The following GABBR2 variants were observed in gnomAD, a reference collection of about 807,000 sequenced individuals.
GABBR2 encodes the protein gamma-aminobutyric acid type B receptor subunit 2.
Under a neutral mutation model 105.6 loss-of-function variants are expected in GABBR2, and 23 were observed. The observed-to-expected ratio is 0.22, with a 90% CI of 0.16 to 0.31. GABBR2 has a LOEUF of 0.31. Among genes scored for constraint, GABBR2 ranks in the 10% least tolerant of loss-of-function variants. The pLI is 1.00. For missense variants in GABBR2, 734 were observed against 1,245.5 expected (o/e 0.59, Z 6.18); for synonymous variants, 478 against 499.7 (o/e 0.96, Z 0.58).
intron 3 of GABBR2, among the ~76,000 whole-genome samples, chr9:98,499,942 A>T (rs1827367376): frequency 6.6e-6 from 1 of 152,228 alleles, no homozygotes; most frequent in Non-Finnish European, 1.5e-5. Context: ...AATCCCAGCT[A>T]CTTGGGAGGC....
intron 1 of GABBR2, among the ~76,000 whole-genome samples, chr9:98,608,356 A>G (rs111678325): frequency 2.0e-4 from 30 of 152,210 alleles, no homozygotes; most frequent in African/African-American, 7.0e-4. Flanking sequence ...TACTTTTCCT[A>G]CTTTTTCTTT....
chr9:98,685,986 GC>G (rs1830615781), intron 1 of GABBR2, among the ~76,000 whole-genome samples: 1 of 152,132 alleles, frequency 6.6e-6, no homozygotes, highest in African/African-American at 2.4e-5. Context: ...ACTGCACCTA[GC>G]CTTGACTAAA....
intron 13 of GABBR2, among the ~76,000 whole-genome samples, chr9:98,337,304 CG>C (rs1831133990): frequency 6.6e-6 from 1 of 151,404 alleles, no homozygotes; most frequent in Non-Finnish European, 1.5e-5. Flanking sequence ...GACTCCATCT[CG>C]GAAGAAAAAA....
intron 1 of GABBR2, among the ~76,000 whole-genome samples, chr9:98,586,299 T>TG (rs1262716573): frequency 1.4e-5 from 2 of 145,928 alleles, no homozygotes; most frequent in African/African-American, 4.9e-5. Context: ...TTTTTTTTTT[T>TG]TTTGTTTGTT....
rs796843169 is a variant in GABBR2 at position 98,623,011 on chromosome 9, G to C, written c.322-44939C>G. 1.1e-3 allele frequency among the ~76,000 whole-genome samples: 167 copies of C among 152,330 alleles called. 1 individual carries two copies. Among genetic ancestry groups the C allele is most frequent in the African/African-American group, 3.7e-3 (152 of 41,574 alleles). On this transcript the variant is annotated intron_variant, in intron 1 of 18. Transcript: ENST00000259455. ...TGGAACAAATGGACCACTCTGGTGG[G>C]GATGTTGATAATGGGGGAGGCTGTG...
intron 3 of GABBR2, among the ~76,000 whole-genome samples, chr9:98,520,768 C>T (rs1355676690): frequency 6.6e-6 from 1 of 152,178 alleles, no homozygotes; most frequent in Non-Finnish European, 1.5e-5. Flanking sequence ...ATCAATATTG[C>T]TGAAGGCCAG....
At chr9:98,611,885 C>CG (rs149433462) in intron 1 of GABBR2, among the ~76,000 whole-genome samples, 9,458 of 152,322 alleles carry the variant, frequency 0.062, 344 homozygotes, top group Non-Finnish European at 0.083. Flanking sequence ...GGCAATTGAC[C>CG]GAGGAGCCAT....
chr9:98,419,261 G>A (rs1404861150), intron 7 of GABBR2, among the ~76,000 whole-genome samples: 1 of 152,194 alleles, frequency 6.6e-6, no homozygotes, highest in Non-Finnish European at 1.5e-5. Flanking sequence ...CCTGCTGGGA[G>A]GTGGGGCTCC....
At chr9:98,476,553 T>G (rs1056845821) in intron 5 of GABBR2, among the ~76,000 whole-genome samples, 8 of 152,208 alleles carry the variant, frequency 5.3e-5, no homozygotes, top group African/African-American at 1.9e-4. Flanking sequence ...AGATAATTTG[T>G]GTATCATGCA....
rs533090129 is a variant in GABBR2, at chr9:98,371,452, G to A, written c.1770+12C>T. 2.3e-6 allele frequency: 3 copies of A among 1,325,096 alleles called. No individual in the cohort carries two copies. Among genetic ancestry groups the A allele is most frequent in the Non-Finnish European group, 3.3e-6 (3 of 915,818 alleles). 82.1% of individuals were successfully genotyped at this position (1,325,096 alleles called of 1,614,324 possible). A position where few individuals can be genotyped will look rare whatever the true frequency, so the allele number is the denominator to read the frequency against. Reference sequence around the variant, plus strand: ...CACTACTAATACCCTGAAACAGAAGGAGAGTGATTACCTTCTTCTTCATTT... The same window carrying A: ...CACTACTAATACCCTGAAACAGAAGAAGAGTGATTACCTTCTTCTTCATTT... On this transcript the variant is annotated intron_variant, in intron 12 of 18. Coordinates refer to ENST00000259455, the MANE Select transcript of GABBR2 (RefSeq NM_005458.8).
At chr9:98,339,045 C>A (rs1831163684) in intron 13 of GABBR2, among the ~76,000 whole-genome samples, 1 of 152,080 alleles carries the variant, frequency 6.6e-6, no homozygotes, top group Non-Finnish European at 1.5e-5. Context: ...TGTTTGATTC[C>A]ATTGACATGA....
At chr9:98,664,256 G>A (rs1292670878) in intron 1 of GABBR2, among the ~76,000 whole-genome samples, 1 of 152,166 alleles carries the variant, frequency 6.6e-6, no homozygotes, top group Non-Finnish European at 1.5e-5. Context: ...GAAGAGAACG[G>A]CACAAAGACC....
chr9:98,655,382 A>T (rs1228770766), intron 1 of GABBR2, among the ~76,000 whole-genome samples: 1 of 147,872 alleles, frequency 6.8e-6, no homozygotes, highest in East Asian at 1.9e-4. Context: ...AAATTGCTTT[A>T]AAAAAAAAGC....
chr9:98,309,910 A>G (rs1830609934), intron 14 of GABBR2, among the ~76,000 whole-genome samples: 1 of 152,260 alleles, frequency 6.6e-6, no homozygotes, highest in South Asian at 2.1e-4. Context: ...CAAAGGACAC[A>G]GGATCAATCA....
intron 13 of GABBR2, among the ~76,000 whole-genome samples, chr9:98,337,229 C>T (rs761692673): frequency 8.5e-5 from 13 of 152,064 alleles, no homozygotes; most frequent in Non-Finnish European, 1.6e-4. Flanking sequence ...CGCTTGAACC[C>T]GGGAGGCGGA....
chr9:98,353,761 CCCA>C (rs1831440338), intron 13 of GABBR2, among the ~76,000 whole-genome samples: 1 of 151,820 alleles, frequency 6.6e-6, no homozygotes, highest in Non-Finnish European at 1.5e-5. Context: ...CCCGATAATC[CCCA>C]CATGTCAAGG....
At chr9:98,467,730 G>T (rs1379884640) in intron 6 of GABBR2, among the ~76,000 whole-genome samples, 1 of 152,208 alleles carries the variant, frequency 6.6e-6, no homozygotes, top group Non-Finnish European at 1.5e-5. Flanking sequence ...ACATTACAAA[G>T]TCTTCCAAAG....
chr9:98,621,387 C>G (rs1450693473), intron 1 of GABBR2, among the ~76,000 whole-genome samples: 1 of 152,194 alleles, frequency 6.6e-6, no homozygotes, highest in Non-Finnish European at 1.5e-5. Flanking sequence ...GCCTTGAGAA[C>G]ACATATCCTG....
chr9:98,467,382 C>T (rs1826581396), intron 6 of GABBR2, among the ~76,000 whole-genome samples: 1 of 152,206 alleles, frequency 6.6e-6, no homozygotes, highest in Non-Finnish European at 1.5e-5. Flanking sequence ...GCCCATGCCC[C>T]TCTGACATAG....
Sources: gnomAD v4.1 joint callset for allele counts (sites outside exome capture counted in the v4.1 genomes callset) on GRCh38, gnomAD v4.1.1 for gene constraint, MANE v1.5 for transcripts, NCBI Gene and HGNC (gene_info 2026-07-23, HGNC 2026-07-21) for gene names.